The following MGAT5B variants were observed in gnomAD, a reference collection of about 807,000 sequenced individuals.
MGAT5B encodes the protein alpha-1,6-mannosylglycoprotein 6-beta-N-acetylglucosaminyltransferase B.
In MGAT5B, 54 loss-of-function variants were observed where a neutral mutation model predicts 95.1. That is an observed-to-expected ratio of 0.57 (90% CI 0.46 to 0.71). MGAT5B has a LOEUF of 0.71. Ranked by LOEUF, MGAT5B falls within the 30% of genes least tolerant of loss-of-function variation. MGAT5B has a pLI of 0.00. For synonymous variants in MGAT5B, 464 were observed against 451.0 expected (o/e 1.03, Z -0.36); for missense variants, 935 against 1,088.6 (o/e 0.86, Z 1.99).
rs1305837195 is a variant in MGAT5B, at chr17:76,950,022, T to C, written c.*1184T>C. 1 of 143,894 alleles carries C rather than the reference T, an allele frequency of 6.9e-6. No homozygotes were observed. The allele number at this position is 143,894 out of a possible 1,614,324, so 8.9% of individuals were successfully genotyped here. On this transcript the variant is annotated 3_prime_UTR_variant, in exon 18 of 18. Transcript: ENST00000569840. ...GGATGCCCCCTTTCCCTCCCCCCCA[T>C]GCCCAGAGCCCCGCCTGCCTCAGCG...
At chr17:76,897,709 CTTTCTTTCTTTCTTTCTTTTTCTTT>C (rs1968131154) in intron 3 of MGAT5B, among the ~76,000 whole-genome samples, 2 of 93,028 alleles carry the variant, frequency 2.1e-5, no homozygotes, top group Admixed American at 1.2e-4. Context: ...TTCTTTCTTT[CTTTCTTTCTTTCTTTCTTTTTCTTT>C]TTTTTTTTTT....
chr17:76,924,568 G>A (rs1193110646), intron 8 of MGAT5B: 1 of 180,746 alleles, frequency 5.5e-6, no homozygotes, highest in East Asian at 1.4e-4. Context: ...AGGAGGTTTG[G>A]GGCCCTCATC....
chr17:76,939,029 G>GGGT lies in MGAT5B; in HGVS notation c.1584+887_1584+888insGTG, dbSNP rs1237086611. Among the ~76,000 whole-genome samples the GGGT allele has an allele frequency of 3.5e-3, 448 of 128,252 alleles. 2 individuals carry two copies. Among genetic ancestry groups the GGGT allele is most frequent in the East Asian group, 0.024 (104 of 4,302 alleles). 84.1% of individuals were successfully genotyped at this position (128,252 alleles called of 152,430 possible). The stretch of plus-strand genomic sequence containing the variant: ...AGCTTGTTTCCCAAGGCATCTTGGG[G>GGGT]GTGTGTGTGTGTGTGTGTGTGTGTG... On this transcript the variant is annotated intron_variant, in intron 13 of 17. Transcript: ENST00000569840.
rs1966929952 is a variant in MGAT5B, at chr17:76,869,777, C to A, written c.68+680C>A. ...GCTGCGGCGGAGCGTGGTGGGCGGGCGGTGGCGAAGGCGACACGCTTCGGG... is the reference window on the plus strand; with the variant it reads ...GCTGCGGCGGAGCGTGGTGGGCGGGAGGTGGCGAAGGCGACACGCTTCGGG... On this transcript the variant is annotated intron_variant, in intron 1 of 17. Transcript: ENST00000569840. The surrounding 1 kb of genome is among the most constrained non-coding windows in gnomAD (Gnocchi z 7.0). Among the ~76,000 whole-genome samples the A allele has an allele frequency of 2.0e-5, 3 of 152,140 alleles. No individual in the cohort carries two copies. Among genetic ancestry groups the A allele is most frequent in the Admixed American group, 6.5e-5 (1 of 15,278 alleles).
At chr17:76,947,372 G>A (rs1970063812) in intron 16 of MGAT5B, among the ~76,000 whole-genome samples, 2 of 152,168 alleles carry the variant, frequency 1.3e-5, no homozygotes, top group African/African-American at 2.4e-5. Flanking sequence ...CCCAGGACTG[G>A]ACCCAGACTG....
intron 1 of MGAT5B, among the ~76,000 whole-genome samples, chr17:76,872,315 A>C (rs1234683373): frequency 2.0e-5 from 3 of 152,176 alleles, no homozygotes; most frequent in East Asian, 3.9e-4. Context: ...CACTGCACCA[A>C]GGCTGGCCTG....
At chr17:76,885,780 C>T (rs1016079118) in intron 3 of MGAT5B, among the ~76,000 whole-genome samples, 1 of 152,226 alleles carries the variant, frequency 6.6e-6, no homozygotes, top group Non-Finnish European at 1.5e-5. Context: ...CGCCTGCTCA[C>T]ACGCTCCCGT....
intron 8 of MGAT5B, among the ~76,000 whole-genome samples, chr17:76,907,462 T>C (rs1226328001): frequency 6.6e-6 from 1 of 152,106 alleles, no homozygotes; most frequent in Non-Finnish European, 1.5e-5. Context: ...GCATCTACTC[T>C]ATGTGGTCTC....
intron 2 of MGAT5B, among the ~76,000 whole-genome samples, chr17:76,874,191 A>T (rs1311097653): frequency 6.6e-6 from 1 of 152,068 alleles, no homozygotes; most frequent in Non-Finnish European, 1.5e-5. Context: ...GTAAATGGGG[A>T]TGGTAATACC....
intron 1 of MGAT5B, among the ~76,000 whole-genome samples, chr17:76,871,329 C>T (rs940755652): frequency 1.3e-5 from 2 of 152,172 alleles, no homozygotes; most frequent in Non-Finnish European, 2.9e-5. Context: ...GGTGGAATTC[C>T]GTGAGGCGTC....
At chr17:76,941,648 C>A (rs927074415) in intron 15 of MGAT5B, among the ~76,000 whole-genome samples, 1 of 152,158 alleles carries the variant, frequency 6.6e-6, no homozygotes, top group Non-Finnish European at 1.5e-5. Flanking sequence ...TCACTTGAGG[C>A]CAGGAGTTTG....
At position 76,904,183 on chromosome 17, in the gene MGAT5B, C is replaced by T. The variant is rs553172629; in HGVS notation, c.520-69C>T. ...TGACCTCAGGACCCCTGGGGGTGCA[C>T]GTGCGGGGGAGTCCCCGAGGGTCAG... On this transcript the variant is annotated intron_variant, in intron 5 of 17. Transcript: ENST00000569840. 5.9e-5 allele frequency: 87 copies of T among 1,475,270 alleles called. No homozygotes were observed. The African/African-American group carries it at 6.7e-4, about 11-fold the overall frequency. The allele number at this position is 1,475,270 out of a possible 1,614,324, so 91.4% of individuals were successfully genotyped here.
Position 76,948,734 on chromosome 17 carries a change from C to T in MGAT5B, c.2275C>T (p.Pro759Ser), listed in dbSNP as rs751301252. The change falls in exon 18 of 18, where the codon CCT (proline) becomes TCT (serine). Residue 759 changes from proline to serine, a missense_variant. Coordinates refer to ENST00000569840, the MANE Select transcript of MGAT5B (RefSeq NM_001199172.2). ...CCAGGAGTGCTACCTGCAGAAGGAG[C>T]CTCTGCTCTTCAGCTGCGCCGGCTC... is the stretch of plus-strand genomic sequence containing the variant. ...PGQECYLQKEPLLFSCAGSNT... is the reference protein window; with the variant it reads ...PGQECYLQKESLLFSCAGSNT... 13 of 1,612,954 alleles carry T rather than the reference C, an allele frequency of 8.1e-6. No individual in the cohort carries two copies. In the South Asian group the frequency reaches 1.1e-4, roughly 14 times the overall value.
At chr17:76,933,615 C>A (rs1351064152) in intron 12 of MGAT5B, among the ~76,000 whole-genome samples, 1 of 152,126 alleles carries the variant, frequency 6.6e-6, no homozygotes, top group African/African-American at 2.4e-5. Flanking sequence ...GGCATGAGGT[C>A]AAGGTTAATA....
At chr17:76,900,829 G>T (rs948353836) in intron 3 of MGAT5B, among the ~76,000 whole-genome samples, 40 of 152,282 alleles carry the variant, frequency 2.6e-4, no homozygotes, top group African/African-American at 9.6e-4. Context: ...GTTTGCCTTG[G>T]GCACTGAACT....
At chr17:76,923,099 C>T (rs1459183956) in intron 8 of MGAT5B, among the ~76,000 whole-genome samples, 2 of 152,194 alleles carry the variant, frequency 1.3e-5, no homozygotes, top group African/African-American at 2.4e-5. Context: ...CGACACGGCA[C>T]CACTTTGGAC....
chr17:76,934,642 T>C (rs1318889087), intron 12 of MGAT5B, among the ~76,000 whole-genome samples: 1 of 152,168 alleles, frequency 6.6e-6, no homozygotes, highest in Admixed American at 6.5e-5. Flanking sequence ...CAGGGTCTAC[T>C]TTTATCAGAA....
chr17:76,938,259 G>A lies in MGAT5B; in HGVS notation c.1584+116G>A. 1.5e-6 allele frequency: 2 copies of A among 1,363,854 alleles called. No individual in the cohort carries two copies. Among genetic ancestry groups the A allele is most frequent in the Non-Finnish European group, 2.0e-6 (2 of 993,028 alleles). 84.5% of individuals were successfully genotyped at this position (1,363,854 alleles called of 1,614,324 possible). A position where few individuals can be genotyped will look rare whatever the true frequency, so the allele number is the denominator to read the frequency against. ...TCCACATATGGACATACCCCAGCAT[G>A]CTCTGCTGCCCTGAGCCCCACATCT... On this transcript the variant is annotated intron_variant, in intron 13 of 17. Transcript: ENST00000569840. The surrounding 1 kb of genome is among the most constrained non-coding windows in gnomAD (Gnocchi z 4.3).
rs775345454 is a variant in MGAT5B, at chr17:76,904,288, G to A, written c.556G>A (p.Ala186Thr). The change falls in exon 6 of 18, where the codon GCC (alanine) becomes ACC (threonine). Residue 186 changes from alanine to threonine, a missense_variant. By Grantham distance (58) the Ala-to-Thr change is moderately conservative. Transcript: ENST00000569840. Reference sequence around the variant, plus strand: ...CCGCTGGACCTCTGACCCCTGCTACGCCTTCTTTGGGGTGGACGGCACCGA... The same window carrying A: ...CCGCTGGACCTCTGACCCCTGCTACACCTTCTTTGGGGTGGACGGCACCGA... ...RARWTSDPCY[A>T]FFGVDGTECS... The A allele has an allele frequency of 1.9e-5, 31 of 1,611,006 alleles. No homozygotes were observed. The highest frequency in any genetic ancestry group is 2.7e-5 in the African/African-American group (2 of 74,906).
Sources: allele counts gnomAD v4.1 joint callset (sites outside exome capture counted in the v4.1 genomes callset), GRCh38; gene constraint gnomAD v4.1.1; non-coding constraint Gnocchi (gnomAD v3.1); transcripts MANE v1.5; gene names NCBI Gene and HGNC (gene_info 2026-07-23, HGNC 2026-07-21).